Variants in ZFHX3 observed in about 807,000 individuals in gnomAD.
The protein encoded by ZFHX3 is zinc finger homeobox protein 3.
Under a neutral mutation model 279.1 loss-of-function variants are expected in ZFHX3, and 42 were observed. The ratio of observed to expected loss-of-function variants is 0.15; its 90% confidence interval spans 0.12 to 0.19. The LOEUF (loss-of-function observed/expected upper bound fraction) is 0.19. Ranked by LOEUF, ZFHX3 falls within the 10% of genes least tolerant of loss-of-function variation. The pLI is 1.00. For synonymous variants in ZFHX3, 2,293 were observed against 1,957.8 expected (o/e 1.17, Z -4.52); for missense variants, 4,981 against 4,754.0 (o/e 1.05, Z -1.40).
intron 3 of ZFHX3, among the ~76,000 whole-genome samples, chr16:72,892,184 G>A (rs2038788988): frequency 6.6e-6 from 1 of 152,196 alleles, no homozygotes; most frequent in African/African-American, 2.4e-5. Context: ...CACCAACTAA[G>A]TGTCACAGAA....
rs77755999 is a variant in ZFHX3 at position 72,885,475 on chromosome 16, C to G, written c.3448+4256G>C. Among the ~76,000 whole-genome samples, 100 of 152,360 alleles carry G rather than the reference C, an allele frequency of 6.6e-4. 1 individual carries two copies. In the East Asian group the frequency reaches 0.018, roughly 27 times the overall value. Reference sequence around the variant, plus strand: ...AGACCCACAGGTTCACATGGGTTGGCAGGCTACATGATGAACTGGACCGAC... The same window carrying G: ...AGACCCACAGGTTCACATGGGTTGGGAGGCTACATGATGAACTGGACCGAC... On this transcript the variant is annotated intron_variant, in intron 4 of 9. Transcript: ENST00000268489.
At chr16:73,670,224 G>A (rs1301905715) in intron 2 of ZFHX3, among the ~76,000 whole-genome samples, 1 of 152,122 alleles carries the variant, frequency 6.6e-6, no homozygotes. Flanking sequence ...TACATTGTTG[G>A]TTTGCATCCA....
intron 2 of ZFHX3, among the ~76,000 whole-genome samples, chr16:73,484,442 A>G (rs2018936600): frequency 1.3e-5 from 2 of 152,138 alleles, no homozygotes; most frequent in African/African-American, 4.8e-5. Context: ...TTCCCTTGAG[A>G]TGGCCTAATT....
intron 1 of ZFHX3, among the ~76,000 whole-genome samples, chr16:73,026,241 C>T (rs867970045): frequency 4.3e-5 from 6 of 140,416 alleles, no homozygotes; most frequent in East Asian, 2.2e-4. Context: ...TGGTGGCAGG[C>T]GCCTGTAATC....
intron 2 of ZFHX3, among the ~76,000 whole-genome samples, chr16:73,562,371 G>A (rs928915767): frequency 1.3e-5 from 2 of 152,190 alleles, no homozygotes; most frequent in African/African-American, 4.8e-5. Flanking sequence ...CAAGGCGGGC[G>A]GATCACGAGG....
chr16:72,823,195 T>C (rs994402531), intron 5 of ZFHX3, among the ~76,000 whole-genome samples: 2 of 152,154 alleles, frequency 1.3e-5, no homozygotes, highest in African/African-American at 4.8e-5. Flanking sequence ...ATGGTTTCCA[T>C]TGGCAGGACC....
intron 2 of ZFHX3, among the ~76,000 whole-genome samples, chr16:73,543,039 G>C (rs906573239): frequency 6.6e-6 from 1 of 152,202 alleles, no homozygotes; most frequent in African/African-American, 2.4e-5. Context: ...GGGACCACGG[G>C]AAGGAGAAGG....
At position 72,820,498 on chromosome 16, in the gene ZFHX3, T is replaced by C. The variant is rs922597272; in HGVS notation, c.3530-8460A>G. On this transcript the variant is annotated intron_variant, in intron 5 of 9. Coordinates refer to ENST00000268489, the MANE Select transcript of ZFHX3 (RefSeq NM_006885.4). ...AGCTGTTGGTCTGTTTAATAAATTA[T>C]AGGCACTGGACTGCCACCGTGAGCC... Among the ~76,000 whole-genome samples the C allele has an allele frequency of 4.6e-5, 7 of 152,210 alleles. No individual in the cohort carries two copies. In the East Asian group the frequency reaches 7.7e-4, roughly 17 times the overall value.
intron 2 of ZFHX3, among the ~76,000 whole-genome samples, chr16:73,542,396 T>C (rs949582088): frequency 1.3e-5 from 2 of 152,134 alleles, no homozygotes; most frequent in African/African-American, 4.8e-5. Context: ...CTTATTTTTA[T>C]ACAACTGAGC....
intron 2 of ZFHX3, among the ~76,000 whole-genome samples, chr16:73,513,662 T>G (rs1017021257): frequency 6.6e-6 from 1 of 152,048 alleles, no homozygotes; most frequent in Non-Finnish European, 1.5e-5. Context: ...CGGTCTGAGA[T>G]AAAGATTTAC....
At chr16:73,023,380 C>G (rs1964378893) in intron 1 of ZFHX3, among the ~76,000 whole-genome samples, 1 of 152,198 alleles carries the variant, frequency 6.6e-6, no homozygotes, top group African/African-American at 2.4e-5. Flanking sequence ...TAGGAGCCTG[C>G]TGTCATCTAG....
chr16:73,314,503 C>T (rs192430528), intron 4 of ZFHX3, among the ~76,000 whole-genome samples: 108 of 152,282 alleles, frequency 7.1e-4, no homozygotes, highest in Non-Finnish European at 1.2e-3. Flanking sequence ...AATGGCAGAG[C>T]CGGGATGGAA....
intron 1 of ZFHX3, among the ~76,000 whole-genome samples, chr16:72,988,691 A>G (rs1291413170): frequency 2.0e-5 from 3 of 152,264 alleles, no homozygotes; most frequent in Non-Finnish European, 4.4e-5. Context: ...AAGAGCCATG[A>G]TTCCCCCACA....
intron 1 of ZFHX3, among the ~76,000 whole-genome samples, chr16:73,008,742 C>G (rs1469963692): frequency 2.0e-5 from 3 of 152,158 alleles, no homozygotes; most frequent in African/African-American, 7.2e-5. Context: ...ACCAAGTAAA[C>G]TTCCATATTT....
intron 2 of ZFHX3, chr16:73,483,335 G>T (rs975616260): frequency 4.7e-6 from 2 of 427,622 alleles, no homozygotes; most frequent in Admixed American, 5.2e-5. Context: ...GCGAGTGAGA[G>T]ACAGAGAGAG....
chr16:72,796,927 T>C lies in ZFHX3; in HGVS notation c.5755A>G (p.Lys1919Glu). The change falls in exon 9 of 10, where the codon AAA becomes GAA. Residue 1919 changes from lysine (K) to glutamate (E), a missense_variant. Physicochemically the swap from Lys to Glu is moderately conservative, Grantham distance 56. Coordinates refer to ENST00000268489, the MANE Select transcript of ZFHX3 (RefSeq NM_006885.4). ...GAACCACCCCCTGGTGCCAACTCTTTCTTCTCTTTGGCCTTCAAGGCATCT... is the reference window on the plus strand; with the variant it reads ...GAACCACCCCCTGGTGCCAACTCTTCCTTCTCTTTGGCCTTCAAGGCATCT... ...LPDALKAKEK[K>E]ELAPGGGSEP... The C allele has an allele frequency of 6.2e-7, 1 of 1,613,902 alleles. No homozygotes were observed. Among genetic ancestry groups the C allele is most frequent in the Non-Finnish European group, 8.5e-7 (1 of 1,179,976 alleles).
intron 3 of ZFHX3, among the ~76,000 whole-genome samples, chr16:73,395,864 A>C (rs2017117629): frequency 6.6e-6 from 1 of 152,148 alleles, no homozygotes; most frequent in African/African-American, 2.4e-5. Context: ...CAGATATATA[A>C]GACATCTACC....
intron 2 of ZFHX3, among the ~76,000 whole-genome samples, chr16:73,675,243 G>A (rs922107588): frequency 6.6e-6 from 1 of 152,022 alleles, no homozygotes; most frequent in African/African-American, 2.4e-5. Flanking sequence ...CATGGGAGGG[G>A]GACCAGGGAA....
At chr16:73,044,562 T>C (rs1291120726) in intron 1 of ZFHX3, among the ~76,000 whole-genome samples, 1 of 152,006 alleles carries the variant, frequency 6.6e-6, no homozygotes, top group African/African-American at 2.4e-5. Context: ...GCTAAATCCT[T>C]AGAGCTGAGA....
Sources: allele counts gnomAD v4.1 joint callset (sites outside exome capture counted in the v4.1 genomes callset), GRCh38; gene constraint gnomAD v4.1.1; transcripts MANE v1.5; gene names NCBI Gene and HGNC (gene_info 2026-07-23, HGNC 2026-07-21).